Variants in DAB1 observed in about 807,000 individuals in gnomAD.
The protein encoded by DAB1 is disabled homolog 1.
Under a neutral mutation model 64.6 loss-of-function variants are expected in DAB1, and 15 were observed. The observed-to-expected ratio is 0.23, with a 90% CI of 0.16 to 0.36. The LOEUF (loss-of-function observed/expected upper bound fraction) is 0.36, where lower values mean the gene tolerates loss of function less well. DAB1 is among the 10% of genes least tolerant of loss of function. DAB1 has a pLI of 1.00. For missense variants in DAB1, 596 were observed against 706.7 expected (o/e 0.84, Z 1.78); for synonymous variants, 235 against 251.9 (o/e 0.93, Z 0.64).
intron 5 of DAB1, among the ~76,000 whole-genome samples, chr1:57,997,911 T>C (rs1265589170): frequency 6.6e-6 from 1 of 151,792 alleles, no homozygotes; most frequent in Non-Finnish European, 1.5e-5. Context: ...ATGCAGTTTC[T>C]CCCCTCAAGA....
intron 4 of DAB1, among the ~76,000 whole-genome samples, chr1:58,171,246 T>C (rs538859199): frequency 1.3e-5 from 2 of 152,042 alleles, no homozygotes; most frequent in South Asian, 2.1e-4. Context: ...TTTGGAAGGG[T>C]AAAAAATGCC....
chr1:57,533,676 A>AG (rs1196367340), intron 7 of DAB1, among the ~76,000 whole-genome samples: 2 of 14,318 alleles, frequency 1.4e-4, no homozygotes, highest in East Asian at 7.4e-3. Context: ...CCAAAATTAA[A>AG]AAAAAAAAAA....
chr1:57,519,164 G>A (rs1644496877), intron 7 of DAB1, among the ~76,000 whole-genome samples: 1 of 152,162 alleles, frequency 6.6e-6, no homozygotes, highest in African/African-American at 2.4e-5. Context: ...ACTAGTGCCA[G>A]CCTCTGTTCT....
chr1:57,565,878 G>C (rs1358489083), intron 7 of DAB1, among the ~76,000 whole-genome samples: 2 of 152,126 alleles, frequency 1.3e-5, no homozygotes, highest in Non-Finnish European at 2.9e-5. Flanking sequence ...GAGACAGAAA[G>C]TTAACAAGGA....
chr1:57,374,295 A>G (rs2100945609), intron 1 of DAB1, among the ~76,000 whole-genome samples: 1 of 152,346 alleles, frequency 6.6e-6, no homozygotes, highest in Admixed American at 6.5e-5. Context: ...AGGTATTATG[A>G]TATAGATCAT....
At chr1:57,246,858 G>A (rs1353126804) in intron 2 of DAB1, among the ~76,000 whole-genome samples, 3 of 152,222 alleles carry the variant, frequency 2.0e-5, no homozygotes, top group African/African-American at 7.2e-5. Context: ...TTTAATGACT[G>A]TCATACTGGG....
intron 4 of DAB1, among the ~76,000 whole-genome samples, chr1:58,308,175 C>G (rs187327595): frequency 2.6e-5 from 4 of 152,210 alleles, no homozygotes; most frequent in African/African-American, 9.6e-5. Context: ...TTGTGCAGAA[C>G]CCAGTCCACA....
At chr1:57,553,713 G>C (rs1276754374) in intron 7 of DAB1, among the ~76,000 whole-genome samples, 4 of 152,064 alleles carry the variant, frequency 2.6e-5, no homozygotes, top group African/African-American at 7.2e-5. Context: ...GTTGTCAATA[G>C]GAGCGATGAG....
chr1:57,109,360 G>A (rs1038385445), intron 4 of DAB1, among the ~76,000 whole-genome samples: 2 of 152,152 alleles, frequency 1.3e-5, no homozygotes, highest in African/African-American at 4.8e-5. Context: ...ATTCATGCTT[G>A]TTAAGGAAAG....
chr1:57,782,101 G>A (rs1413827153), intron 6 of DAB1, among the ~76,000 whole-genome samples: 2 of 152,058 alleles, frequency 1.3e-5, no homozygotes, highest in Non-Finnish European at 2.9e-5. Context: ...CTCCTATAAC[G>A]CAGGATTTTT....
chr1:57,105,080 G>C (rs1235346026), intron 4 of DAB1, among the ~76,000 whole-genome samples: 2 of 152,152 alleles, frequency 1.3e-5, no homozygotes, highest in Non-Finnish European at 1.5e-5. Flanking sequence ...AGGGGTGAGG[G>C]TAGGAGACGC....
At chr1:57,796,263 C>T (rs932434207) in intron 6 of DAB1, among the ~76,000 whole-genome samples, 1 of 152,066 alleles carries the variant, frequency 6.6e-6, no homozygotes, top group Non-Finnish European at 1.5e-5. Flanking sequence ...CGCGGTGGCT[C>T]ACGCCTGTAA....
intron 6 of DAB1, among the ~76,000 whole-genome samples, chr1:57,676,215 C>T (rs1646564747): frequency 6.6e-6 from 1 of 152,182 alleles, no homozygotes. Flanking sequence ...GATGCAAGTG[C>T]CTACAAGGCA....
intron 6 of DAB1, among the ~76,000 whole-genome samples, chr1:57,706,547 G>A (rs1002930813): frequency 6.6e-6 from 1 of 152,000 alleles, no homozygotes; most frequent in African/African-American, 2.4e-5. Flanking sequence ...TCGAATTCCT[G>A]CAAGTGATCT....
intron 1 of DAB1, among the ~76,000 whole-genome samples, chr1:58,543,978 T>C (rs1646662883): frequency 6.6e-6 from 1 of 152,190 alleles, no homozygotes; most frequent in Non-Finnish European, 1.5e-5. Flanking sequence ...GTGGCTAGTG[T>C]CTACTGTATC....
chr1:57,254,807 G>T (rs1380456932), intron 2 of DAB1, among the ~76,000 whole-genome samples: 2 of 151,464 alleles, frequency 1.3e-5, no homozygotes, highest in Non-Finnish European at 2.9e-5. Context: ...TTAATATTTG[G>T]GATATTTCCC....
chr1:57,044,815 AG>A (rs1648258169), intron 9 of DAB1, among the ~76,000 whole-genome samples: 1 of 152,238 alleles, frequency 6.6e-6, no homozygotes, highest in Non-Finnish European at 1.5e-5. Context: ...AATGGGTCAC[AG>A]GGTAATATTA....
At chr1:58,500,658 C>G (rs1645891806) in intron 3 of DAB1, among the ~76,000 whole-genome samples, 1 of 151,994 alleles carries the variant, frequency 6.6e-6, no homozygotes, top group Non-Finnish European at 1.5e-5. Flanking sequence ...AAAAATATAT[C>G]CTATTCAAAT....
intron 5 of DAB1, among the ~76,000 whole-genome samples, chr1:57,979,697 C>T (rs1646015337): frequency 2.6e-5 from 4 of 152,348 alleles, no homozygotes; most frequent in African/African-American, 4.8e-5. Flanking sequence ...AGCATTATCA[C>T]TTGCTATCTA....
Sources: gnomAD v4.1 joint callset for allele counts (sites outside exome capture counted in the v4.1 genomes callset) on GRCh38, gnomAD v4.1.1 for gene constraint, MANE v1.5 for transcripts, NCBI Gene and HGNC (gene_info 2026-07-23, HGNC 2026-07-21) for gene names.